ANKRD36: variants seen among roughly 807,000 people sequenced by gnomAD.
ANKRD36 encodes the protein ankyrin repeat domain 36.
Under a neutral mutation model 278.1 loss-of-function variants are expected in ANKRD36, and 179 were observed. That is an observed-to-expected ratio of 0.64 (90% CI 0.57 to 0.73). The LOEUF is 0.73. ANKRD36 is among the 30% of genes least tolerant of loss of function. The probability of loss-of-function intolerance (pLI) is 0.00; values close to 1 mark genes in which losing one functional copy is unlikely to be tolerated. For missense variants in ANKRD36, 1,159 were observed against 1,956.7 expected (o/e 0.59, Z 7.69); for synonymous variants, 320 against 641.1 (o/e 0.50, Z 7.57).
chr2:97,229,907 G>A (rs2071317270), intron 67 of ANKRD36, among the ~76,000 whole-genome samples: 1 of 152,014 alleles, frequency 6.6e-6, no homozygotes, highest in African/African-American at 2.4e-5. Flanking sequence ...AGCTTAGTTT[G>A]GCAGGATATG....
intron 52 of ANKRD36, among the ~76,000 whole-genome samples, chr2:97,207,580 T>C (rs1362237948): frequency 1.3e-5 from 2 of 151,526 alleles, no homozygotes; most frequent in African/African-American, 2.4e-5. Context: ...GTTTTTCACA[T>C]ATGACAAATC....
At chr2:97,218,838 T>C (rs1380850277) in intron 64 of ANKRD36, among the ~76,000 whole-genome samples, 1 of 133,382 alleles carries the variant, frequency 7.5e-6, no homozygotes, top group Non-Finnish European at 1.5e-5. Flanking sequence ...ATCTCACTTT[T>C]TAACTTGTAA....
chr2:97,118,074 C>T lies in ANKRD36; in HGVS notation c.208C>T (p.His70Tyr), dbSNP rs752874400. The T allele has an allele frequency of 6.4e-7, 1 of 1,554,424 alleles. No homozygotes were observed. Among genetic ancestry groups the T allele is most frequent in the Admixed American group, 1.9e-5 (1 of 51,292 alleles). ...KRDRKERTAL[H>Y]LACATGQPEM... ...CTGTCACTCTCACAGGACCGCCCTA[C>T]ATTTGGCCTGTGCCACTGGCCAACC... Residue 70 changes from histidine (H) to tyrosine (Y), a missense_variant, in exon 2 of 76, where the codon CAT (histidine) becomes TAT (tyrosine). Physicochemically the swap from His to Tyr is moderately conservative, Grantham distance 83. Transcript: ENST00000420699.
Position 97,205,943 on chromosome 2 carries a change from C to T in ANKRD36, c.3065C>T (p.Ser1022Phe), listed in dbSNP as rs143216880. The change falls in exon 51 of 76, where the codon TCT becomes TTT. Residue 1022 changes from serine to phenylalanine, a missense_variant. By Grantham distance (155) the Ser-to-Phe change is radical. Transcript: ENST00000420699. Reference protein sequence around the residue: ...KKDGEKTRTVSSQKPPTLKAT... With the variant: ...KKDGEKTRTVFSQKPPTLKAT... ...ATGAATCACTTTTGCTTTTCAGTGT[C>T]TTCTCAGAAACCACCAACCTTGAAG... is the stretch of plus-strand genomic sequence containing the variant. The T allele has an allele frequency of 1.3e-3, 2,048 of 1,554,594 alleles. 58 individuals carry two copies. The East Asian group carries it at 0.041, about 31-fold the overall frequency.
chr2:97,211,711 G>C lies in ANKRD36; in HGVS notation c.3439G>C (p.Glu1147Gln). ...AGATTCTGTTCCGAATATGGCCACG[G>C]AAAAAAAGGATGAACAAATATCTGG... The part of the protein sequence containing the change: ...KEDSVPNMAT[E>Q]KKDEQISGTV... The change falls in exon 58 of 76, where the codon GAA (glutamate) becomes CAA (glutamine). Residue 1147 changes from glutamate (E) to glutamine (Q), a missense_variant. Glu to Gln is a conservative substitution (Grantham distance 29). Transcript: ENST00000420699. 1.3e-6 allele frequency: 2 copies of C among 1,588,122 alleles called. No homozygotes were observed. The highest frequency in any genetic ancestry group is 1.7e-6 in the Non-Finnish European group (2 of 1,168,168).
chr2:97,129,790 G>A (rs1048951524), intron 6 of ANKRD36, among the ~76,000 whole-genome samples: 4 of 152,000 alleles, frequency 2.6e-5, no homozygotes, highest in East Asian at 1.9e-4. Context: ...TAGACATGCG[G>A]CATTATTTTT....
intron 66 of ANKRD36, among the ~76,000 whole-genome samples, chr2:97,224,502 G>A (rs1480630567): frequency 6.7e-6 from 1 of 150,174 alleles, no homozygotes; most frequent in African/African-American, 2.4e-5. Context: ...GGCTGGAGGT[G>A]CAGTGGTGAG....
Position 97,215,653 on chromosome 2 carries a change from G to A in ANKRD36, c.3673+156G>A, listed in dbSNP as rs1310317248. 4 of 1,540,934 alleles carry A rather than the reference G, an allele frequency of 2.6e-6. No individual in the cohort carries two copies. The South Asian group carries it at 3.6e-5, about 14-fold the overall frequency. ...AATAAGTCCTCAGGTGACCCTGATG[G>A]TGCTGGTCCTTGACCATGATCTGAG... On this transcript the variant is annotated intron_variant, in intron 62 of 75. Transcript: ENST00000420699.
intron 4 of ANKRD36, 59 bp from the exon 5 acceptor site, chr2:97,124,401 A>T (rs1338924236): frequency 1.2e-5 from 18 of 1,519,914 alleles, no homozygotes; most frequent in Non-Finnish European, 1.6e-5. Flanking sequence ...TTGATAAAGT[A>T]TATAAACTTA....
chr2:97,162,427 TC>T (rs1345758870), intron 18 of ANKRD36, among the ~76,000 whole-genome samples: 2 of 148,908 alleles, frequency 1.3e-5, no homozygotes, highest in Admixed American at 6.7e-5. Flanking sequence ...ACATACTTTT[TC>T]TTAAAACTTT....
chr2:97,209,014 C>G (rs2153620512), intron 54 of ANKRD36, among the ~76,000 whole-genome samples: 1 of 146,594 alleles, frequency 6.8e-6, no homozygotes, highest in South Asian at 2.1e-4. Flanking sequence ...ATATATTATC[C>G]TTTGGTGCCA....
At chr2:97,209,377 T>C (rs2063739575) in intron 54 of ANKRD36, among the ~76,000 whole-genome samples, 1 of 146,738 alleles carries the variant, frequency 6.8e-6, no homozygotes, top group Non-Finnish European at 1.5e-5. Context: ...TTCCTCTGAT[T>C]TTAGATCACA....
intron 68 of ANKRD36, among the ~76,000 whole-genome samples, chr2:97,237,169 TTTTA>T (rs1437254645): frequency 6.6e-6 from 1 of 151,236 alleles, no homozygotes; most frequent in African/African-American, 2.4e-5. Context: ...TTATAAAGAC[TTTTA>T]TTTTTTAGAC....
chr2:97,151,471 A>T (rs2045950422), intron 12 of ANKRD36, among the ~76,000 whole-genome samples: 1 of 152,308 alleles, frequency 6.6e-6, no homozygotes, highest in Admixed American at 6.5e-5. Context: ...TTTCCCACAG[A>T]AAGTAATTCG....
At chr2:97,126,258 C>T (rs2038616575) in intron 5 of ANKRD36, among the ~76,000 whole-genome samples, 1 of 140,148 alleles carries the variant, frequency 7.1e-6, no homozygotes, top group Non-Finnish European at 1.5e-5. Flanking sequence ...TTGGAGATAA[C>T]ATCACTGATG....
At chr2:97,206,888 G>T (rs2063006796) in intron 52 of ANKRD36, among the ~76,000 whole-genome samples, 1 of 151,394 alleles carries the variant, frequency 6.6e-6, no homozygotes, top group African/African-American at 2.4e-5. Flanking sequence ...CCTTGTTCAA[G>T]GAGCCACCTC....
At chr2:97,209,182 A>G (rs544629672) in intron 54 of ANKRD36, among the ~76,000 whole-genome samples, 15 of 146,720 alleles carry the variant, frequency 1.0e-4, no homozygotes, top group African/African-American at 4.0e-4. Flanking sequence ...TCCACTGAAG[A>G]GATGTGAAGT....
At chr2:97,227,006 C>T (rs2069962015) in intron 67 of ANKRD36, among the ~76,000 whole-genome samples, 1 of 152,076 alleles carries the variant, frequency 6.6e-6, no homozygotes, top group South Asian at 2.1e-4. Flanking sequence ...GGTACCAGTA[C>T]CATGCTGTTT....
At chr2:97,225,430 T>C (rs1266190856) in intron 67 of ANKRD36, among the ~76,000 whole-genome samples, 6 of 152,050 alleles carry the variant, frequency 3.9e-5, no homozygotes, top group African/African-American at 1.4e-4. Context: ...ATGGCACCTT[T>C]GGTATTAGTG....
Sources: gnomAD v4.1 joint callset for allele counts (sites outside exome capture counted in the v4.1 genomes callset) on GRCh38, gnomAD v4.1.1 for gene constraint, MANE v1.5 for transcripts, NCBI Gene and HGNC (gene_info 2026-07-23, HGNC 2026-07-21) for gene names.